DPRX: variants seen among roughly 807,000 people sequenced by gnomAD.
The protein encoded by DPRX is divergent paired-related homeobox.
A neutral mutation model predicts 8.4 loss-of-function variants in DPRX; 11 were observed. The observed-to-expected ratio is 1.31, with a 90% CI of 0.82 to 2.17. DPRX has a LOEUF of 2.17. Among genes scored for constraint, DPRX ranks in the 30% most tolerant of loss-of-function variants. DPRX has a pLI of 0.00. For missense variants in DPRX, 211 were observed against 236.7 expected, an observed-to-expected ratio of 0.89 and a Z score of 0.71; for synonymous variants, 72 against 87.0, an observed-to-expected ratio of 0.83 and a Z score of 0.96.
the DPRX span, among the ~76,000 whole-genome samples, chr19:53,602,595 G>T: frequency 6.7e-6 from 1 of 150,146 alleles, no homozygotes; most frequent in Non-Finnish European, 1.5e-5. Flanking sequence ...GTGCAGTGGC[G>T]TGATCTTGGC....
the DPRX span, chr19:53,608,425 C>T: frequency 2.0e-5 from 3 of 152,372 alleles, no homozygotes; most frequent in Non-Finnish European, 4.4e-5. Context: ...AGGCTGACTC[C>T]CGAGCTCCCA....
exon 3 of DPRX, chr19:53,636,748 C>A: frequency 6.2e-7 from 1 of 1,614,194 alleles, no homozygotes. Flanking sequence ...GATTGCCCAA[C>A]GCTGCTCACC....
At chr19:53,616,807 G>A in the DPRX span, 14 of 1,592,782 alleles carry the variant, frequency 8.8e-6, no homozygotes, top group African/African-American at 1.3e-5. Context: ...CACCAACATG[G>A]AGACTTTGTA....
chr19:53,632,812 T>C (rs1029026465), intron 1 of DPRX, among the ~76,000 whole-genome samples: 6 of 152,108 alleles, frequency 3.9e-5, no homozygotes, highest in African/African-American at 1.2e-4. Flanking sequence ...CGAAATCTTC[T>C]CCCTCGTAGT....
At chr19:53,634,396 A>T (rs1024225069) in intron 1 of DPRX, 135 bp from the exon 2 acceptor site, 11 of 1,110,692 alleles carry the variant, frequency 9.9e-6, no homozygotes, top group African/African-American at 3.2e-5. Flanking sequence ...GTGCCACTGC[A>T]CTCCAGCCTC....
At chr19:53,602,577 A>G in the DPRX span, among the ~76,000 whole-genome samples, 1 of 147,792 alleles carries the variant, frequency 6.8e-6, no homozygotes, top group Non-Finnish European at 1.5e-5. Context: ...TCTGTTGCCC[A>G]GGCTGAAGTG....
At chr19:53,633,754 C>T (rs1463784272) in intron 1 of DPRX, among the ~76,000 whole-genome samples, 1 of 152,072 alleles carries the variant, frequency 6.6e-6, no homozygotes, top group Non-Finnish European at 1.5e-5. Context: ...ATGATCCGCC[C>T]GCCTTGGCCT....
chr19:53,610,569 T>C, the DPRX span, among the ~76,000 whole-genome samples: 2 of 152,064 alleles, frequency 1.3e-5, no homozygotes, highest in African/African-American at 4.8e-5. Flanking sequence ...TAAATTATAG[T>C]GAAGAAACAC....
chr19:53,633,667 G>A (rs2091101367), intron 1 of DPRX, among the ~76,000 whole-genome samples: 1 of 151,974 alleles, frequency 6.6e-6, no homozygotes, highest in African/African-American at 2.4e-5. Context: ...GCACCATCAC[G>A]CCCAGCTAAT....
At chr19:53,632,083 C>CA in exon 1 of DPRX, 1 of 1,613,892 alleles carries the variant, frequency 6.2e-7, no homozygotes, top group Non-Finnish European at 8.5e-7. Context: ...GGACCTGAAC[C>CA]CAGGCGCACA....
the DPRX span, chr19:53,608,136 A>G: frequency 1.3e-5 from 2 of 149,218 alleles, no homozygotes; most frequent in Non-Finnish European, 3.0e-5. Flanking sequence ...GTGCCACTGC[A>G]CTCCAGCCTG....
At chr19:53,620,604 A>G in the DPRX span, among the ~76,000 whole-genome samples, 1 of 151,766 alleles carries the variant, frequency 6.6e-6, no homozygotes, top group East Asian at 1.9e-4. Context: ...GCCTCAAGTG[A>G]TCTGTCTGCC....
the DPRX span, among the ~76,000 whole-genome samples, chr19:53,622,233 T>G: frequency 6.6e-6 from 1 of 152,216 alleles, no homozygotes; most frequent in Non-Finnish European, 1.5e-5. Context: ...TGAGATGCTT[T>G]CAGCAGGACA....
At chr19:53,602,507 C>G in the DPRX span, among the ~76,000 whole-genome samples, 1 of 150,870 alleles carries the variant, frequency 6.6e-6, no homozygotes, top group Non-Finnish European at 1.5e-5. Flanking sequence ...TTACAGGTAA[C>G]TGCCACCACA....
At chr19:53,601,477 C>A in the DPRX span, 5 of 368,678 alleles carry the variant, frequency 1.4e-5, no homozygotes, top group African/African-American at 6.7e-5. Flanking sequence ...ATATTCAATG[C>A]CTATTCTTTT....
At chr19:53,625,971 C>CT in the DPRX span, among the ~76,000 whole-genome samples, 1 of 151,718 alleles carries the variant, frequency 6.6e-6, no homozygotes. Flanking sequence ...GGGTCTCACT[C>CT]TGTCACCCAG....
the DPRX span, among the ~76,000 whole-genome samples, chr19:53,625,854 T>A: frequency 6.6e-6 from 1 of 151,988 alleles, no homozygotes; most frequent in East Asian, 1.9e-4. Context: ...GCCAGGCTGG[T>A]CTGGAACTCC....
the DPRX span, among the ~76,000 whole-genome samples, chr19:53,616,071 G>A: frequency 5.9e-4 from 90 of 152,082 alleles, no homozygotes; most frequent in Middle Eastern, 3.4e-3. Context: ...TGACCAACAT[G>A]GAGAAACCCT....
the DPRX span, among the ~76,000 whole-genome samples, chr19:53,611,465 T>C: frequency 6.6e-6 from 1 of 152,130 alleles, no homozygotes; most frequent in African/African-American, 2.4e-5. Context: ...ACTCCTGGGC[T>C]GAAGTGATCC....
Sources: gnomAD v4.1 joint callset for allele counts (sites outside exome capture counted in the v4.1 genomes callset) on GRCh38, gnomAD v4.1.1 for gene constraint, MANE v1.5 for transcripts, NCBI Gene and HGNC (gene_info 2026-07-23, HGNC 2026-07-21) for gene names.